The following MAP3K15 variants were observed in gnomAD, a reference collection of about 807,000 sequenced individuals.
MAP3K15 encodes the protein mitogen-activated protein kinase kinase kinase 15, also known as MAPK/ERK kinase kinase 15.
In MAP3K15, 124 loss-of-function variants were observed where a neutral mutation model predicts 99.5. That is an observed-to-expected ratio of 1.25 (90% CI 1.08 to 1.45). MAP3K15 has a LOEUF of 1.45. MAP3K15 is among the 40% of genes most tolerant of loss of function. The probability of loss-of-function intolerance (pLI) is 0.00; values close to 1 mark genes in which losing one functional copy is unlikely to be tolerated. For synonymous variants in MAP3K15, 494 were observed against 439.6 expected (o/e 1.12, Z -1.55); for missense variants, 1,242 against 1,079.7 (o/e 1.15, Z -2.11).
At position 19,426,319 on chromosome X, in the gene MAP3K15, C is replaced by T. The variant is rs1183031632; in HGVS notation, c.1191G>A (p.Gln397=). The change falls in exon 8 of 29, where the codon CAG becomes CAA. Residue 397 remains glutamine (Q), a synonymous_variant. Transcript: ENST00000338883. The part of the protein sequence containing the change: ...IEWYRKGFEL[Q]SSLYSGINLA... Reference sequence around the variant, plus strand: ...GATTAATTCCCGAATAGAGGGATGACTGGAGTTCAAACCCTTTGCGATACC... The same window carrying T: ...GATTAATTCCCGAATAGAGGGATGATTGGAGTTCAAACCCTTTGCGATACC... The T allele has an allele frequency of 1.7e-6, 2 of 1,150,143 alleles. No homozygotes were observed. Among genetic ancestry groups the T allele is most frequent in the South Asian group, 2.0e-5 (1 of 49,769 alleles). The allele number at this position is 1,150,143 out of a possible 1,213,427, so 94.8% of individuals were successfully genotyped here.
intron 4 of MAP3K15, among the ~76,000 whole-genome samples, chrX:19,463,121 G>T (rs920521038): frequency 8.9e-6 from 1 of 112,022 alleles, no homozygotes; most frequent in African/African-American, 3.2e-5. Context: ...ACAACAGTTA[G>T]CAAGGCATGA....
intron 1 of MAP3K15, among the ~76,000 whole-genome samples, chrX:19,492,181 A>G (rs966415140): frequency 1.5e-4 from 16 of 109,918 alleles, no homozygotes; most frequent in African/African-American, 5.3e-4. Context: ...TAGACAGAAT[A>G]GTATAATGAA....
In MAP3K15 at chrX:19,507,575, CAAAAAAAAAAAAAAAAA is replaced by C. The variant is rs1165492097; in HGVS notation, c.361+7309_361+7325del. On this transcript the variant is annotated intron_variant, in intron 1 of 28. Transcript: ENST00000338883. ...CCTGGGTGAGAGTGACACCTTGTCT[CAAAAAAAAAAAAAAAAA>C]AAAAAAAAAAAAAAAAAAGAACAAC... Among the ~76,000 whole-genome samples, 19 of 10,895 alleles carry C rather than the reference CAAAAAAAAAAAAAAAAA, an allele frequency of 1.7e-3. No homozygotes were observed. In the South Asian group the frequency reaches 0.059, roughly 34 times the overall value. 9.5% of individuals were successfully genotyped at this position (10,895 alleles called of 115,157 possible).
intron 7 of MAP3K15, among the ~76,000 whole-genome samples, chrX:19,428,416 A>G (rs2063850299): frequency 1.8e-5 from 2 of 111,441 alleles, no homozygotes; most frequent in South Asian, 7.6e-4. Context: ...CCAAACATTA[A>G]CTTCCCTTCG....
At chrX:19,466,932 G>T (rs188308093) in intron 3 of MAP3K15, among the ~76,000 whole-genome samples, 10 of 111,482 alleles carry the variant, frequency 9.0e-5, no homozygotes, top group African/African-American at 3.3e-4. Flanking sequence ...TATGGCCCAG[G>T]ATGGCTTTGA....
intron 25 of MAP3K15, among the ~76,000 whole-genome samples, chrX:19,366,538 G>C (rs781100955): frequency 8.9e-6 from 1 of 111,745 alleles, no homozygotes; most frequent in Non-Finnish European, 1.9e-5. Flanking sequence ...CCCCCATACT[G>C]TTCTCATGGT....
intron 6 of MAP3K15, among the ~76,000 whole-genome samples, chrX:19,451,793 G>A (rs1223594890): frequency 9.1e-6 from 1 of 110,187 alleles, no homozygotes; most frequent in Non-Finnish European, 1.9e-5. Flanking sequence ...GCCAGGCATG[G>A]TGGTTCATGC....
chrX:19,507,106 C>T (rs1189555035), intron 1 of MAP3K15, among the ~76,000 whole-genome samples: 1 of 111,745 alleles, frequency 8.9e-6, no homozygotes, highest in African/African-American at 3.3e-5. Context: ...TGCTAATTAG[C>T]ATCTAGGTAG....
rs2063729799 is a variant in MAP3K15, at chrX:19,415,797, C to CAA, written c.1440-541_1440-540insTT. Among the ~76,000 whole-genome samples, 4 of 111,612 alleles carry CAA rather than the reference C, an allele frequency of 3.6e-5. No homozygotes were observed. In the Admixed American group the frequency reaches 3.8e-4, roughly 11 times the overall value. ...AGGTACTGGTCCATTTTATCATTTACTACCCAACATATATACAAATCTCTT... is the reference window on the plus strand; with the variant it reads ...AGGTACTGGTCCATTTTATCATTTACAATACCCAACATATATACAAATCTCTT... On this transcript the variant is annotated intron_variant, in intron 9 of 28. Transcript: ENST00000338883.
intron 3 of MAP3K15, among the ~76,000 whole-genome samples, chrX:19,466,389 G>A (rs1452493236): frequency 9.0e-6 from 1 of 111,347 alleles, no homozygotes; most frequent in Non-Finnish European, 1.9e-5. Flanking sequence ...TGATCATCAG[G>A]GGCGGTTTCT....
intron 1 of MAP3K15, among the ~76,000 whole-genome samples, chrX:19,512,642 CTTTTTTT>C (rs896407684): frequency 1.3e-4 from 9 of 71,254 alleles, no homozygotes; most frequent in Non-Finnish European, 2.0e-4. Flanking sequence ...CCACATCCTG[CTTTTTTT>C]TTTTTTTTTT....
chrX:19,498,409 G>A (rs2064420417), intron 1 of MAP3K15, among the ~76,000 whole-genome samples: 1 of 111,523 alleles, frequency 9.0e-6, no homozygotes, highest in African/African-American at 3.3e-5. Context: ...GAGGCTCAGA[G>A]ATATTAAGTA....
rs963577934 is a variant in MAP3K15 at position 19,360,764 on chromosome X, G to A, written c.3927C>T (p.Thr1309=). The A allele has an allele frequency of 6.6e-6, 8 of 1,207,597 alleles. No individual in the cohort carries two copies. Among genetic ancestry groups the A allele is most frequent in the Non-Finnish European group, 9.0e-6 (8 of 892,777 alleles). ...CTGATTGGTATCAAGCCTTGTCTTT[G>A]GTTTCTGAGGCCTCCTGAGCCCTTC... ...QYRRAQEASE[T]KDKA The change falls in exon 29 of 29, where the codon ACC becomes ACT. Residue 1309 remains threonine, a synonymous_variant. Transcript: ENST00000338883.
At position 19,384,748 on chromosome X, in the gene MAP3K15, GGAAAAAA is replaced by G. The variant is rs1374258790; in HGVS notation, c.2432-4478_2432-4472del. On this transcript the variant is annotated intron_variant, in intron 18 of 28. Transcript: ENST00000338883. ...GATGGGAGTGAGACCTTGTCTCAGG[GGAAAAAA>G]AAAAAAAAAAAAAAAAAAAAAAAAA... Among the ~76,000 whole-genome samples the G allele has an allele frequency of 1.9e-3, 108 of 56,461 alleles. 3 individuals are homozygous for G. The highest frequency in any genetic ancestry group is 5.4e-3 in the African/African-American group (77 of 14,304). 49.0% of individuals were successfully genotyped at this position (56,461 alleles called of 115,157 possible).
chrX:19,445,291 T>TTA (rs942408457), intron 6 of MAP3K15, among the ~76,000 whole-genome samples: 1 of 110,164 alleles, frequency 9.1e-6, no homozygotes. Context: ...TTAAAAGTTT[T>TTA]TATTAAGAAA....
chrX:19,383,063 C>T (rs1039726132), intron 18 of MAP3K15, among the ~76,000 whole-genome samples: 1 of 111,094 alleles, frequency 9.0e-6, no homozygotes, highest in Non-Finnish European at 1.9e-5. Flanking sequence ...CTGTGTGTCA[C>T]CCCGTACTTC....
chrX:19,513,317 GGA>G (rs997660983), intron 1 of MAP3K15, among the ~76,000 whole-genome samples: 1 of 112,206 alleles, frequency 8.9e-6, no homozygotes, highest in Non-Finnish European at 1.9e-5. Context: ...CCAGCAGGAA[GGA>G]GAGTGTTGTG....
intron 18 of MAP3K15, among the ~76,000 whole-genome samples, chrX:19,387,575 C>T (rs1279740620): frequency 7.3e-5 from 8 of 109,191 alleles, no homozygotes; most frequent in African/African-American, 2.7e-4. Context: ...TTGGTAAAGA[C>T]GGGGCCTCAC....
rs895374109 is a variant in MAP3K15, at chrX:19,514,990, C to G, written c.272G>C (p.Cys91Ser). 8 of 1,117,884 alleles carry G rather than the reference C, an allele frequency of 7.2e-6. No homozygotes were observed. The African/African-American group carries it at 1.5e-4, about 22-fold the overall frequency. 92.1% of individuals were successfully genotyped at this position (1,117,884 alleles called of 1,213,427 possible). A position where few individuals can be genotyped will look rare whatever the true frequency, so the allele number is the denominator to read the frequency against. Reference sequence around the variant, plus strand: ...GGTGAGGTGAGCGCCCTCGGCCTCGCAGGCCCGCAGCAGGCACTGCCGCGC... The same window carrying G: ...GGTGAGGTGAGCGCCCTCGGCCTCGGAGGCCCGCAGCAGGCACTGCCGCGC... ...AGARQCLLRA[C>S]EAEGAHLTSV... Residue 91 changes from cysteine to serine, a missense_variant, in exon 1 of 29, where the codon TGC becomes TCC. Transcript: ENST00000338883.
Sources: gnomAD v4.1 joint callset for allele counts (sites outside exome capture counted in the v4.1 genomes callset) on GRCh38, gnomAD v4.1.1 for gene constraint, MANE v1.5 for transcripts, NCBI Gene and HGNC (gene_info 2026-07-23, HGNC 2026-07-21) for gene names.